The following GLIS1 variants were observed in gnomAD, a reference collection of about 807,000 sequenced individuals.
GLIS1 encodes zinc finger protein GLIS1.
A neutral mutation model predicts 63.8 loss-of-function variants in GLIS1; 24 were observed. The ratio of observed to expected loss-of-function variants is 0.38; its 90% CI spans 0.27 to 0.53. The LOEUF is 0.53. Among genes scored for constraint, GLIS1 ranks in the 20% least tolerant of loss-of-function variants. The pLI is 0.85. For missense variants in GLIS1, 1,036 were observed against 1,074.1 expected, an observed-to-expected ratio of 0.96 and a Z score of 0.50; for synonymous variants, 450 against 482.5, an observed-to-expected ratio of 0.93 and a Z score of 0.88.
At chr1:53,543,265 C>T (rs575710115) in intron 4 of GLIS1, among the ~76,000 whole-genome samples, 2 of 150,894 alleles carry the variant, frequency 1.3e-5, no homozygotes, top group Non-Finnish European at 2.9e-5. Context: ...CTCATGGGGA[C>T]GTGGACACGG....
rs143358144 is a variant in GLIS1, at chr1:53,712,571, C to T, written c.259+25235G>A. On this transcript the variant is annotated intron_variant, in intron 2 of 10. Transcript: ENST00000628545. ...CAACAAACAGGCTCCAAGTCCATATCCTTATCAGGAGCCCTTTGAAGGCCG... is the reference window on the plus strand; with the variant it reads ...CAACAAACAGGCTCCAAGTCCATATTCTTATCAGGAGCCCTTTGAAGGCCG... Among the ~76,000 whole-genome samples, 859 of 152,302 alleles carry T rather than the reference C, an allele frequency of 5.6e-3. 3 individuals are homozygous for T. The highest frequency in any genetic ancestry group is 8.3e-3 in the South Asian group (40 of 4,828).
intron 4 of GLIS1, among the ~76,000 whole-genome samples, chr1:53,570,249 T>C (rs1159512473): frequency 2.0e-5 from 3 of 151,714 alleles, no homozygotes; most frequent in Non-Finnish European, 4.4e-5. Context: ...CCCAAGTCAC[T>C]GGGACTACAG....
chr1:53,601,645 CAG>C (rs1645318948), intron 2 of GLIS1, among the ~76,000 whole-genome samples: 1 of 152,170 alleles, frequency 6.6e-6, no homozygotes, highest in South Asian at 2.1e-4. Context: ...GAGGACAAAA[CAG>C]AGGCGTGGGG....
At chr1:53,604,696 C>T (rs1163303704) in intron 2 of GLIS1, among the ~76,000 whole-genome samples, 1 of 152,256 alleles carries the variant, frequency 6.6e-6, no homozygotes. Flanking sequence ...AGCTTCATTA[C>T]AACCCTCAGG....
rs779399927 is a variant in GLIS1 at position 53,594,478 on chromosome 1, G to A, written c.950C>T (p.Ala317Val). Residue 317 changes from alanine (A) to valine (V), a missense_variant, in exon 4 of 11, where the codon GCG becomes GTG. Transcript: ENST00000628545. ...CGCGGGTTCCTGCTTCAGGAAGCTC[G>A]CCTTCCGGCAGGCTTCAAGTTGCAA... ...GSLQLEACRK[A>V]SFLKQEPADE... The A allele has an allele frequency of 6.2e-6, 10 of 1,612,844 alleles. No homozygotes were observed. The highest frequency in any genetic ancestry group is 4.0e-5 in the African/African-American group (3 of 74,956).
At chr1:53,721,793 T>C (rs1646758390) in intron 2 of GLIS1, among the ~76,000 whole-genome samples, 1 of 151,820 alleles carries the variant, frequency 6.6e-6, no homozygotes, top group Non-Finnish European at 1.5e-5. Flanking sequence ...AAGAAAGCAA[T>C]GAAAGAAAAG....
intron 4 of GLIS1, among the ~76,000 whole-genome samples, chr1:53,556,094 TGCA>T (rs1415304679): frequency 7.2e-6 from 1 of 138,532 alleles, no homozygotes; most frequent in Non-Finnish European, 1.5e-5. Flanking sequence ...GCAGGTGTAC[TGCA>T]GGTGTGTGTG....
intron 2 of GLIS1, among the ~76,000 whole-genome samples, chr1:53,635,070 T>C (rs1025288773): frequency 6.6e-6 from 1 of 152,042 alleles, no homozygotes; most frequent in African/African-American, 2.4e-5. Context: ...TGTTTTTTTT[T>C]TAATTCTTTT....
At chr1:53,534,065 G>A (rs1331977251) in intron 4 of GLIS1, among the ~76,000 whole-genome samples, 5 of 152,038 alleles carry the variant, frequency 3.3e-5, no homozygotes, top group Non-Finnish European at 7.4e-5. Flanking sequence ...CAATGAGTGC[G>A]AGGTAGCCTT....
intron 2 of GLIS1, among the ~76,000 whole-genome samples, chr1:53,612,820 CT>C (rs11303017): frequency 0.68 from 83,378 of 122,434 alleles, 27,256 homozygotes; most frequent in Middle Eastern, 0.79. Context: ...TCTTTGATGC[CT>C]TTTTTTTTTT....
intron 2 of GLIS1, among the ~76,000 whole-genome samples, chr1:53,651,379 C>A (rs1403215110): frequency 6.6e-6 from 1 of 152,186 alleles, no homozygotes; most frequent in Non-Finnish European, 1.5e-5. Flanking sequence ...TACTGCCAGC[C>A]CTGCCTAAAC....
chr1:53,680,385 G>A (rs537352641), intron 2 of GLIS1, among the ~76,000 whole-genome samples: 4 of 152,302 alleles, frequency 2.6e-5, no homozygotes, highest in African/African-American at 9.6e-5. Flanking sequence ...CCACGAGTGT[G>A]GTGCCCACCA....
At chr1:53,601,524 T>A (rs1482383265) in intron 2 of GLIS1, among the ~76,000 whole-genome samples, 1 of 152,188 alleles carries the variant, frequency 6.6e-6, no homozygotes, top group Non-Finnish European at 1.5e-5. Flanking sequence ...AAGCGCAGCA[T>A]CTGCCGAGCA....
chr1:53,604,921 TGTGTGTGTGTGTATATATATAC>T (rs1314748315), intron 2 of GLIS1, among the ~76,000 whole-genome samples: 2 of 18,248 alleles, frequency 1.1e-4, no homozygotes, highest in African/African-American at 1.3e-4. Context: ...TATGTGTGTG[TGTGTGTGTGTGTATATATATAC>T]ATATATATAT....
chr1:53,654,338 A>G (rs61776603), intron 2 of GLIS1, among the ~76,000 whole-genome samples: 15,209 of 152,214 alleles, frequency 0.1, 953 homozygotes, highest in South Asian at 0.24. Flanking sequence ...CACAGAGGCC[A>G]GGGGGATGGA....
chr1:53,689,314 G>C (rs1646376311), intron 2 of GLIS1, among the ~76,000 whole-genome samples: 1 of 152,178 alleles, frequency 6.6e-6, no homozygotes, highest in South Asian at 2.1e-4. Context: ...CTTCACAGAG[G>C]CACCACCTGC....
At chr1:53,576,964 C>T (rs543666194) in intron 4 of GLIS1, among the ~76,000 whole-genome samples, 2 of 152,212 alleles carry the variant, frequency 1.3e-5, no homozygotes, top group East Asian at 3.9e-4. Context: ...CTCCCTGACC[C>T]CAGGGCTTTT....
At chr1:53,518,227 A>T (rs953714769) in intron 7 of GLIS1, among the ~76,000 whole-genome samples, 1 of 152,202 alleles carries the variant, frequency 6.6e-6, no homozygotes, top group Non-Finnish European at 1.5e-5. Context: ...GGCAGACAGC[A>T]GGTGCTCAGT....
At position 53,539,244 on chromosome 1, in the gene GLIS1, T is replaced by TCA. The variant is rs796469595; in HGVS notation, c.1321-9294_1321-9293dup. 3.9e-4 allele frequency among the ~76,000 whole-genome samples: 43 copies of TCA among 109,218 alleles called. No homozygotes were observed. The highest frequency in any genetic ancestry group is 7.6e-4 in the African/African-American group (26 of 34,420). 71.7% of individuals were successfully genotyped at this position (109,218 alleles called of 152,430 possible). On this transcript the variant is annotated intron_variant, in intron 4 of 10. Coordinates refer to ENST00000628545, the MANE Select transcript of GLIS1 (RefSeq NM_001367484.1). This position sits in a 1 kb window ranked among gnomAD's most constrained non-coding sequence, Gnocchi z 5.0. ...CACACACCAACACACACACATGGATTCACACACACACACACACCAAGACCC... is the reference window on the plus strand; with the variant it reads ...CACACACCAACACACACACATGGATTCACACACACACACACACACCAAGACCC...
Sources: gnomAD v4.1 joint callset for allele counts (sites outside exome capture counted in the v4.1 genomes callset) on GRCh38, gnomAD v4.1.1 for gene constraint, Gnocchi (gnomAD v3.1) non-coding constraint, MANE v1.5 for transcripts, NCBI Gene and HGNC (gene_info 2026-07-23, HGNC 2026-07-21) for gene names.